The following RSPO4 variants were observed in gnomAD, a reference collection of about 807,000 sequenced individuals.
RSPO4 encodes R-spondin 4.
A neutral mutation model predicts 24.8 loss-of-function variants in RSPO4; 23 were observed. The observed-to-expected ratio is 0.93, with a 90% confidence interval of 0.67 to 1.31. The LOEUF is 1.31. RSPO4 is among the 40% of genes most tolerant of loss of function. The pLI, the probability that RSPO4 is intolerant of heterozygous loss-of-function variation, is 0.00. For synonymous variants in RSPO4, 141 were observed against 127.4 expected (o/e 1.11, Z -0.72); for missense variants, 333 against 316.5 (o/e 1.05, Z -0.39).
intron 1 of RSPO4, among the ~76,000 whole-genome samples, chr20:994,676 C>T (rs57116885): frequency 0.07 from 10,677 of 152,260 alleles, 422 homozygotes; most frequent in East Asian, 0.15. Context: ...CATGCCTCAG[C>T]CTCCTGAGTA....
intron 1 of RSPO4, among the ~76,000 whole-genome samples, chr20:984,525 G>C (rs1416666271): frequency 6.6e-6 from 1 of 152,138 alleles, no homozygotes; most frequent in Admixed American, 6.5e-5. Flanking sequence ...CAGCACCCTG[G>C]GTACCTGGAG....
chr20:1,002,054 G>GC lies in RSPO4; in HGVS notation c.79+31dup. On this transcript the variant is annotated intron_variant, in intron 1 of 4. Coordinates refer to ENST00000217260, the MANE Select transcript of RSPO4 (RefSeq NM_001029871.4). The surrounding 1 kb of genome is among the most constrained non-coding windows in gnomAD (Gnocchi z 4.6). ...GCCCCCGGTCTGCCCCGCAGCGCCTGCCCGGCCGCCCTGCCCAGCCACCCC... is the reference window on the plus strand; with the variant it reads ...GCCCCCGGTCTGCCCCGCAGCGCCTGCCCCGGCCGCCCTGCCCAGCCACCCC... 1 of 1,533,666 alleles carries GC rather than the reference G, an allele frequency of 6.5e-7. No individual in the cohort carries two copies. Among genetic ancestry groups the GC allele is most frequent in the Non-Finnish European group, 8.8e-7 (1 of 1,134,170 alleles).
intron 1 of RSPO4, among the ~76,000 whole-genome samples, chr20:980,141 T>C (rs1984691310): frequency 6.6e-6 from 1 of 152,150 alleles, no homozygotes; most frequent in Non-Finnish European, 1.5e-5. Flanking sequence ...AAACTGAGGT[T>C]CAGAGCAATG....
chr20:969,488 T>C (rs1220932980), intron 1 of RSPO4, among the ~76,000 whole-genome samples: 1 of 152,170 alleles, frequency 6.6e-6, no homozygotes, highest in African/African-American at 2.4e-5. Flanking sequence ...CATAAACTCA[T>C]GTCCATAGCC....
intron 3 of RSPO4, 81 bp downstream of exon 3, chr20:967,093 A>G: frequency 7.1e-7 from 1 of 1,411,958 alleles, no homozygotes. Context: ...AATTTCTTCC[A>G]GGGCCCCTAA....
intron 1 of RSPO4, among the ~76,000 whole-genome samples, chr20:972,474 G>T (rs1428480809): frequency 2.0e-5 from 3 of 152,170 alleles, no homozygotes; most frequent in Non-Finnish European, 4.4e-5. Flanking sequence ...GATATGAGCG[G>T]GCATGCCCTG....
At chr20:965,059 C>T (rs1984151212) in intron 3 of RSPO4, among the ~76,000 whole-genome samples, 1 of 152,068 alleles carries the variant, frequency 6.6e-6, no homozygotes, top group South Asian at 2.1e-4. Flanking sequence ...AGACTGAGCA[C>T]CCAGTGTATG....
At chr20:1,000,773 A>T (rs914211149) in intron 1 of RSPO4, among the ~76,000 whole-genome samples, 4 of 152,070 alleles carry the variant, frequency 2.6e-5, no homozygotes, top group African/African-American at 9.7e-5. Context: ...TAGAGTCCCA[A>T]ACTCACCCCA....
intron 1 of RSPO4, among the ~76,000 whole-genome samples, chr20:975,053 G>C (rs1428410626): frequency 6.6e-6 from 1 of 152,120 alleles, no homozygotes; most frequent in African/African-American, 2.4e-5. Context: ...TTGTCCCATA[G>C]CTCCAAATCC....
intron 1 of RSPO4, among the ~76,000 whole-genome samples, chr20:996,239 TC>T (rs1318310267): frequency 6.6e-6 from 1 of 152,224 alleles, no homozygotes; most frequent in African/African-American, 2.4e-5. Flanking sequence ...TCCATTCCAT[TC>T]CGTTACCATT....
At chr20:971,720 G>T (rs572271103) in intron 1 of RSPO4, among the ~76,000 whole-genome samples, 23 of 152,286 alleles carry the variant, frequency 1.5e-4, no homozygotes, top group African/African-American at 5.3e-4. Context: ...CAGAAGACAT[G>T]GGACTAACCA....
chr20:968,689 G>A (rs996727698), intron 1 of RSPO4, among the ~76,000 whole-genome samples: 1 of 152,206 alleles, frequency 6.6e-6, no homozygotes, highest in Non-Finnish European at 1.5e-5. Context: ...GTGTGTGTGG[G>A]TGCACATGAT....
intron 1 of RSPO4, among the ~76,000 whole-genome samples, chr20:997,894 ACC>A (rs1182940526): frequency 2.0e-5 from 3 of 152,134 alleles, no homozygotes; most frequent in African/African-American, 7.2e-5. Context: ...CCCACGTGAG[ACC>A]CCACTCCCTT....
chr20:983,220 A>C (rs1984797442), intron 1 of RSPO4, among the ~76,000 whole-genome samples: 1 of 152,076 alleles, frequency 6.6e-6, no homozygotes, highest in Non-Finnish European at 1.5e-5. Flanking sequence ...CCCACCTTGG[A>C]CTCAGACTCA....
chr20:989,059 G>A (rs1362792291), intron 1 of RSPO4, among the ~76,000 whole-genome samples: 1 of 152,158 alleles, frequency 6.6e-6, no homozygotes, highest in Non-Finnish European at 1.5e-5. Flanking sequence ...TAAGCAGACT[G>A]CATACCCTCC....
chr20:999,084 G>A (rs2122282786), intron 1 of RSPO4, among the ~76,000 whole-genome samples: 1 of 151,822 alleles, frequency 6.6e-6, no homozygotes, highest in South Asian at 2.1e-4. Context: ...GTCTTTCCTG[G>A]GCTGAAGCGA....
chr20:963,210 C>A (rs962204881), intron 4 of RSPO4, among the ~76,000 whole-genome samples: 2 of 152,172 alleles, frequency 1.3e-5, no homozygotes, highest in Non-Finnish European at 2.9e-5. Context: ...GACGAGCTGT[C>A]CCCCTGTTCC....
chr20:975,152 A>G (rs1984523389), intron 1 of RSPO4, among the ~76,000 whole-genome samples: 1 of 152,128 alleles, frequency 6.6e-6, no homozygotes, highest in African/African-American at 2.4e-5. Context: ...ATCACGGTGG[A>G]GCAGCGCTGC....
rs904885715 is a variant in RSPO4 at position 970,772 on chromosome 20, C to A, written c.80-2634G>T. 2.6e-5 allele frequency among the ~76,000 whole-genome samples: 4 copies of A among 152,142 alleles called. No homozygotes were observed. The highest frequency in any genetic ancestry group is 5.9e-5 in the Non-Finnish European group (4 of 68,020). ...TCACCTTAGATAGGAGTGTAAACTT[C>A]GGGGAAAAATCTAGCAGTACCTAAT... On this transcript the variant is annotated intron_variant, in intron 1 of 4. Transcript: ENST00000217260. The surrounding 1 kb of genome is among the most constrained non-coding windows in gnomAD (Gnocchi z 4.1).
Sources: allele counts gnomAD v4.1 joint callset (sites outside exome capture counted in the v4.1 genomes callset), GRCh38; gene constraint gnomAD v4.1.1; non-coding constraint Gnocchi (gnomAD v3.1); transcripts MANE v1.5; gene names NCBI Gene and HGNC (gene_info 2026-07-23, HGNC 2026-07-21).